Variants in ASIC2 observed in about 807,000 individuals in gnomAD.
ASIC2 encodes the protein acid sensing ion channel subunit 2, also known as acid-sensing ion channel 2.
Under a neutral mutation model 57.3 loss-of-function variants are expected in ASIC2, and 25 were observed. That is an observed-to-expected ratio of 0.44 (90% CI 0.32 to 0.61). The LOEUF (loss-of-function observed/expected upper bound fraction) is 0.61, where lower values mean the gene tolerates loss of function less well. Ranked by LOEUF, ASIC2 falls within the 20% of genes least tolerant of loss-of-function variation. The probability of loss-of-function intolerance (pLI) is 0.06; values close to 1 mark genes in which losing one functional copy is unlikely to be tolerated. For missense variants in ASIC2, 641 were observed against 738.1 expected (o/e 0.87, Z 1.52); for synonymous variants, 319 against 307.5 (o/e 1.04, Z -0.39).
At chr17:34,105,176 G>A (rs1240941994) in intron 1 of ASIC2, among the ~76,000 whole-genome samples, 1 of 151,998 alleles carries the variant, frequency 6.6e-6, no homozygotes, top group Non-Finnish European at 1.5e-5. Flanking sequence ...TTCATGGGCA[G>A]TTGGTCAGTT....
At position 33,889,235 on chromosome 17, in the gene ASIC2, C is replaced by G. The variant is rs1430106568; in HGVS notation, c.555+266743G>C. Among the ~76,000 whole-genome samples the G allele has an allele frequency of 4.6e-5, 7 of 152,120 alleles. No homozygotes were observed. The East Asian group carries it at 1.4e-3, about 29-fold the overall frequency. ...CTTGGAGAGCATCTGGTTCAACCCC[C>G]CCTCGTTTTTCAGATGAAGAACCTG... On this transcript the variant is annotated intron_variant, in intron 1 of 9. Transcript: ENST00000359872.
intron 1 of ASIC2, among the ~76,000 whole-genome samples, chr17:33,413,130 G>A (rs372424080): frequency 6.6e-6 from 1 of 152,180 alleles, no homozygotes; most frequent in Admixed American, 6.5e-5. Flanking sequence ...TTTCCCCCGA[G>A]ATGTGTTTCC....
intron 1 of ASIC2, among the ~76,000 whole-genome samples, chr17:33,742,816 C>G (rs777805471): frequency 1.3e-5 from 2 of 152,180 alleles, no homozygotes; most frequent in South Asian, 4.1e-4. Flanking sequence ...GCCTCACGTC[C>G]CTGGCACACG....
chr17:33,209,018 A>T (rs1185078827), intron 1 of ASIC2, among the ~76,000 whole-genome samples: 1 of 151,906 alleles, frequency 6.6e-6, no homozygotes, highest in Admixed American at 6.6e-5. Flanking sequence ...TCTGGTGTGT[A>T]TTTATTTGGA....
At chr17:33,131,318 A>G (rs1192753039) in intron 1 of ASIC2, among the ~76,000 whole-genome samples, 2 of 152,184 alleles carry the variant, frequency 1.3e-5, no homozygotes, top group African/African-American at 4.8e-5. Flanking sequence ...GAGGAATCCC[A>G]AGCAATTTTT....
rs77792168 is a variant in ASIC2 at position 33,824,665 on chromosome 17, G to A, written c.555+331313C>T. 3.0e-3 allele frequency among the ~76,000 whole-genome samples: 463 copies of A among 152,196 alleles called. 4 individuals carry two copies. The highest frequency in any genetic ancestry group is 0.011 in the African/African-American group (442 of 41,536). ...TCTCATCTTGAACTGTAGCTCCCAC[G>A]TCCCCATGTGTTGTGGGGTCTTTCC... On this transcript the variant is annotated intron_variant, in intron 1 of 9. Transcript: ENST00000359872.
intron 1 of ASIC2, among the ~76,000 whole-genome samples, chr17:33,916,199 G>A (rs1915581442): frequency 6.6e-6 from 1 of 152,182 alleles, no homozygotes; most frequent in Non-Finnish European, 1.5e-5. Flanking sequence ...TGGATAATAT[G>A]ATCTTGACCT....
rs190062777 is a variant in ASIC2, at chr17:34,020,467, T to C, written c.555+135511A>G. Among the ~76,000 whole-genome samples the C allele has an allele frequency of 3.3e-3, 500 of 152,314 alleles. 5 individuals carry two copies. Among genetic ancestry groups the C allele is most frequent in the African/African-American group, 0.012 (486 of 41,562 alleles). ...AGTTTCCATAGAACTCATCACTGCTTGCTCTCCTTCCCAACCTAACTTCAC... is the reference window on the plus strand; with the variant it reads ...AGTTTCCATAGAACTCATCACTGCTCGCTCTCCTTCCCAACCTAACTTCAC... On this transcript the variant is annotated intron_variant, in intron 1 of 9. Transcript: ENST00000359872.
At chr17:33,193,598 A>C (rs1442977179) in intron 1 of ASIC2, among the ~76,000 whole-genome samples, 3 of 152,156 alleles carry the variant, frequency 2.0e-5, no homozygotes, top group Non-Finnish European at 4.4e-5. Flanking sequence ...AGCAGTCCTG[A>C]ACCCATGACT....
chr17:33,936,637 T>C (rs1597938116), intron 1 of ASIC2: 1 of 152,354 alleles, frequency 6.6e-6, no homozygotes, highest in East Asian at 1.9e-4. Flanking sequence ...GAAGAATTTC[T>C]TGGGGGCTCT....
intron 1 of ASIC2, among the ~76,000 whole-genome samples, chr17:33,933,550 C>T (rs1159844209): frequency 1.3e-5 from 2 of 152,186 alleles, no homozygotes; most frequent in Admixed American, 6.5e-5. Context: ...GCGACTGCAC[C>T]GAGCTGTGAG....
intron 1 of ASIC2, among the ~76,000 whole-genome samples, chr17:33,169,540 G>A (rs1181861575): frequency 2.0e-5 from 3 of 152,354 alleles, no homozygotes; most frequent in South Asian, 2.1e-4. Context: ...CAGAAAGGCT[G>A]TACAATGTAC....
chr17:33,181,234 T>G (rs1406234708), intron 1 of ASIC2, among the ~76,000 whole-genome samples: 2 of 152,202 alleles, frequency 1.3e-5, no homozygotes, highest in African/African-American at 2.4e-5. Context: ...CTCTCAGCAC[T>G]TTGTTTTGTT....
chr17:33,884,240 C>T lies in ASIC2; in HGVS notation c.555+271738G>A, dbSNP rs560468753. Among the ~76,000 whole-genome samples the T allele has an allele frequency of 3.3e-5, 5 of 152,238 alleles. No individual in the cohort carries two copies. The South Asian group carries it at 1.0e-3, about 32-fold the overall frequency. On this transcript the variant is annotated intron_variant, in intron 1 of 9. Transcript: ENST00000359872. ...CAGACAGGTCAGGATATTTATTTCC[C>T]CAACCCCAACCTGCTCCCTCTCTGC... is the stretch of plus-strand genomic sequence containing the variant.
chr17:33,852,168 A>C (rs990044765), intron 1 of ASIC2, among the ~76,000 whole-genome samples: 2 of 152,218 alleles, frequency 1.3e-5, no homozygotes, highest in African/African-American at 4.8e-5. Flanking sequence ...ATCATCAAGT[A>C]AGGCTGTTTT....
At chr17:33,626,831 T>C (rs909092921) in intron 1 of ASIC2, among the ~76,000 whole-genome samples, 2 of 152,190 alleles carry the variant, frequency 1.3e-5, no homozygotes, top group Non-Finnish European at 2.9e-5. Flanking sequence ...GCTTCCTGAT[T>C]TCCAGCACTC....
chr17:33,020,354 A>G (rs369008422), intron 7 of ASIC2, among the ~76,000 whole-genome samples: 1 of 152,200 alleles, frequency 6.6e-6, no homozygotes, highest in African/African-American at 2.4e-5. Flanking sequence ...CTACTTGCCC[A>G]TATTCTCATA....
At chr17:33,171,222 C>A (rs1266610048) in intron 1 of ASIC2, among the ~76,000 whole-genome samples, 1 of 152,228 alleles carries the variant, frequency 6.6e-6, no homozygotes, top group African/African-American at 2.4e-5. Context: ...ATATTTTCTT[C>A]TACCCAGGAA....
chr17:33,298,349 T>C lies in ASIC2; in HGVS notation c.556-186282A>G, dbSNP rs570125346. On this transcript the variant is annotated intron_variant, in intron 1 of 9. Coordinates refer to the ASIC2 transcript ENST00000359872. ...ACCTATGAGTGAGAACATGCGGTGT[T>C]TGGTTTTCTGTGCTTGTGATAGATT... Among the ~76,000 whole-genome samples, 173 of 152,258 alleles carry C rather than the reference T, an allele frequency of 1.1e-3. 2 individuals carry two copies. Among genetic ancestry groups the C allele is most frequent in the African/African-American group, 4.0e-3 (165 of 41,534 alleles).
Sources: allele counts gnomAD v4.1 joint callset (sites outside exome capture counted in the v4.1 genomes callset), GRCh38; gene constraint gnomAD v4.1.1; transcripts MANE v1.5; gene names NCBI Gene and HGNC (gene_info 2026-07-23, HGNC 2026-07-21).